The following TBC1D15 variants were observed in gnomAD, a reference collection of about 807,000 sequenced individuals.
TBC1D15 encodes TBC1 domain family member 15, also known as GAP for RAB7.
In TBC1D15, 39 loss-of-function variants were observed where a neutral mutation model predicts 95.4. The ratio of observed to expected loss-of-function variants is 0.41; its 90% CI spans 0.32 to 0.53. The LOEUF is 0.53. Among genes scored for constraint, TBC1D15 ranks in the 20% least tolerant of loss-of-function variants. The pLI is 0.29. For missense variants in TBC1D15, 733 were observed against 794.3 expected, an observed-to-expected ratio of 0.92 and a Z score of 0.93; for synonymous variants, 258 against 261.3, an observed-to-expected ratio of 0.99 and a Z score of 0.12.
intron 1 of TBC1D15, among the ~76,000 whole-genome samples, chr12:71,851,995 A>G (rs1262460216): frequency 6.6e-6 from 1 of 152,172 alleles, no homozygotes; most frequent in Non-Finnish European, 1.5e-5. Flanking sequence ...TCACTGCCCT[A>G]TTAGAGGTTC....
intron 1 of TBC1D15, chr12:71,849,818 T>C (rs1887310926): frequency 1.1e-5 from 6 of 550,698 alleles, no homozygotes; most frequent in Non-Finnish European, 2.1e-5. Flanking sequence ...TTTCTAACTC[T>C]AATAGACTTT....
chr12:71,893,446 G>C, intron 6 of TBC1D15, 122 bp downstream of exon 6: 1 of 447,986 alleles, frequency 2.2e-6, no homozygotes, highest in Non-Finnish European at 3.8e-6. Flanking sequence ...AGATATGTGT[G>C]TGTGTGTGTG....
At chr12:71,885,092 C>T in intron 5 of TBC1D15, 71 bp downstream of exon 5, 2 of 1,499,036 alleles carry the variant, frequency 1.3e-6, no homozygotes, top group Non-Finnish European at 9.1e-7. Context: ...ACTATTTTTA[C>T]TTGACCTTGG....
At chr12:71,881,845 G>A (rs1895218391) in intron 4 of TBC1D15, among the ~76,000 whole-genome samples, 1 of 150,052 alleles carries the variant, frequency 6.7e-6, no homozygotes, top group Non-Finnish European at 1.5e-5. Flanking sequence ...TTGAGCCTGG[G>A]AGGCAGAGGT....
At chr12:71,863,120 T>A (rs1890736889) in intron 1 of TBC1D15, among the ~76,000 whole-genome samples, 1 of 152,198 alleles carries the variant, frequency 6.6e-6, no homozygotes, top group African/African-American at 2.4e-5. Flanking sequence ...GGTTCACGCC[T>A]ACAATCTCAG....
At chr12:71,875,337 C>CT (rs1322714710) in intron 3 of TBC1D15, among the ~76,000 whole-genome samples, 5 of 152,076 alleles carry the variant, frequency 3.3e-5, no homozygotes, top group Admixed American at 3.3e-4. Flanking sequence ...TGTTTTTTCA[C>CT]TTTCTTTTTG....
rs144590170 is a variant in TBC1D15, at chr12:71,885,480, C to A, written c.554+459C>A. On this transcript the variant is annotated intron_variant, in intron 5 of 16. Transcript: ENST00000485960. Reference sequence around the variant, plus strand: ...AAAAATCTTGTCTCTCATTTAGTTACTGTGTGCATCTGTACACACACATGC... The same window carrying A: ...AAAAATCTTGTCTCTCATTTAGTTAATGTGTGCATCTGTACACACACATGC... 5.5e-3 allele frequency among the ~76,000 whole-genome samples: 844 copies of A among 152,316 alleles called. 8 individuals are homozygous for A. The highest frequency in any genetic ancestry group is 0.019 in the African/African-American group (810 of 41,572).
intron 1 of TBC1D15, among the ~76,000 whole-genome samples, chr12:71,841,453 T>G (rs1884982038): frequency 6.6e-6 from 1 of 152,142 alleles, no homozygotes; most frequent in Non-Finnish European, 1.5e-5. Flanking sequence ...CAAAAGCTGC[T>G]CCTCTCCCAA....
intron 3 of TBC1D15, among the ~76,000 whole-genome samples, chr12:71,878,571 A>C (rs1295304150): frequency 5.3e-5 from 8 of 150,852 alleles, no homozygotes; most frequent in African/African-American, 1.7e-4. Context: ...GCTGGAGTGC[A>C]GTGGTGCGAT....
rs1458281034 is a variant in TBC1D15, at chr12:71,880,616, T to G, written c.343+9T>G. 4 of 1,593,758 alleles carry G rather than the reference T, an allele frequency of 2.5e-6. No individual in the cohort carries two copies. In the African/African-American group the frequency reaches 5.4e-5, roughly 22 times the overall value. On this transcript the variant is annotated intron_variant, in intron 4 of 16. Transcript: ENST00000485960. The stretch of plus-strand genomic sequence containing the variant: ...ACCACATACCAATGGAGGTATGAAT[T>G]AAATCTTTTGAAATCTTAAACTGAT...
At chr12:71,873,631 T>G (rs1464843905) in intron 3 of TBC1D15, among the ~76,000 whole-genome samples, 1 of 152,218 alleles carries the variant, frequency 6.6e-6, no homozygotes, top group Non-Finnish European at 1.5e-5. Flanking sequence ...GTTTAACATT[T>G]GGGGGAACTG....
chr12:71,912,514 T>G (rs926441439), intron 11 of TBC1D15, among the ~76,000 whole-genome samples: 2 of 152,144 alleles, frequency 1.3e-5, no homozygotes, highest in African/African-American at 4.8e-5. Flanking sequence ...GATTCTGAGG[T>G]GATCTGAGTG....
At chr12:71,880,163 T>C (rs927091190) in intron 3 of TBC1D15, among the ~76,000 whole-genome samples, 1 of 152,046 alleles carries the variant, frequency 6.6e-6, no homozygotes, top group African/African-American at 2.4e-5. Context: ...ATGGTTACAT[T>C]CAAAGCAGGA....
chr12:71,906,889 T>C (rs1211743679), intron 10 of TBC1D15, 133 bp from the exon 11 acceptor site: 2 of 487,840 alleles, frequency 4.1e-6, no homozygotes, highest in East Asian at 6.5e-5. Flanking sequence ...TTTGATGAAT[T>C]TTTTCTTCAT....
intron 5 of TBC1D15, among the ~76,000 whole-genome samples, chr12:71,888,861 T>TC (rs751276922): frequency 6.7e-6 from 1 of 148,156 alleles, no homozygotes; most frequent in South Asian, 2.1e-4. Context: ...TTTTTTTTTT[T>TC]CATTTAATTC....
At chr12:71,863,572 T>G (rs1370687208) in intron 1 of TBC1D15, among the ~76,000 whole-genome samples, 2 of 152,196 alleles carry the variant, frequency 1.3e-5, no homozygotes, top group African/African-American at 4.8e-5. Flanking sequence ...ATGTTTTTTA[T>G]ATCTCTCTTC....
In TBC1D15 at chr12:71,921,409, A is replaced by G. The variant is rs768544170; in HGVS notation, c.1758A>G (p.Ile586Met). The change falls in exon 16 of 17, where the codon ATA becomes ATG. Residue 586 changes from isoleucine to methionine, a missense_variant. By Grantham distance (10) the Ile-to-Met change is conservative (BLOSUM62 1). Transcript: ENST00000485960. Reference sequence around the variant, plus strand: ...CCATGAAAATTGATGTGGAAGATATACTCTGCAAGGCAGAAGCAATTTCTC... The same window carrying G: ...CCATGAAAATTGATGTGGAAGATATGCTCTGCAAGGCAGAAGCAATTTCTC... ...ELSMKIDVED[I>M]LCKAEAISLQ... The G allele has an allele frequency of 3.2e-6, 5 of 1,569,728 alleles. No homozygotes were observed. Among genetic ancestry groups the G allele is most frequent in the South Asian group, 1.2e-5 (1 of 83,088 alleles).
At chr12:71,870,144 A>G (rs1433753599) in intron 1 of TBC1D15, among the ~76,000 whole-genome samples, 3 of 152,156 alleles carry the variant, frequency 2.0e-5, no homozygotes, top group Non-Finnish European at 4.4e-5. Context: ...GCCTCATCCT[A>G]TAACTCCAGA....
chr12:71,864,467 A>G (rs1222936031), intron 1 of TBC1D15, among the ~76,000 whole-genome samples: 1 of 149,794 alleles, frequency 6.7e-6, no homozygotes, highest in Non-Finnish European at 1.5e-5. Context: ...ATAGAGAATG[A>G]CTTTCACCTG....
Sources: allele counts gnomAD v4.1 joint callset (sites outside exome capture counted in the v4.1 genomes callset), GRCh38; gene constraint gnomAD v4.1.1; transcripts MANE v1.5; gene names NCBI Gene and HGNC (gene_info 2026-07-23, HGNC 2026-07-21).